Variants in SOX5 observed in about 807,000 individuals in gnomAD.
The protein encoded by SOX5 is transcription factor SOX-5.
In SOX5, 9 loss-of-function variants were observed where a neutral mutation model predicts 92.0. The observed-to-expected ratio is 0.10, with a 90% CI of 0.06 to 0.17. The LOEUF is 0.17. Among genes scored for constraint, SOX5 ranks in the 10% least tolerant of loss-of-function variants. The probability of loss-of-function intolerance (pLI) is 1.00; values close to 1 mark genes in which losing one functional copy is unlikely to be tolerated. For synonymous variants in SOX5, 344 were observed against 336.3 expected (o/e 1.02, Z -0.25); for missense variants, 642 against 944.5 (o/e 0.68, Z 4.20).
At chr12:23,607,168 C>G (rs1441749038) in intron 8 of SOX5, among the ~76,000 whole-genome samples, 1 of 152,170 alleles carries the variant, frequency 6.6e-6, no homozygotes, top group Non-Finnish European at 1.5e-5. Context: ...CATTTTCCAC[C>G]AAGCATATCA....
At chr12:24,295,044 A>G (rs1026271839) in intron 2 of SOX5, among the ~76,000 whole-genome samples, 1 of 152,192 alleles carries the variant, frequency 6.6e-6, no homozygotes, top group Non-Finnish European at 1.5e-5. Context: ...AATATTCACC[A>G]AAAGTTTAGC....
At chr12:23,599,251 A>T (rs1397396635) in intron 9 of SOX5, among the ~76,000 whole-genome samples, 3 of 152,242 alleles carry the variant, frequency 2.0e-5, no homozygotes, top group Non-Finnish European at 4.4e-5. Flanking sequence ...TTGAAGCAAC[A>T]TTATAAGGAT....
chr12:24,119,593 G>T (rs943493947), intron 4 of SOX5, among the ~76,000 whole-genome samples: 5 of 152,012 alleles, frequency 3.3e-5, no homozygotes, highest in African/African-American at 1.2e-4. Context: ...TAGGTAATAA[G>T]ATATTAGAGA....
intron 2 of SOX5, among the ~76,000 whole-genome samples, chr12:23,858,406 G>A (rs2096718706): frequency 6.6e-6 from 1 of 152,018 alleles, no homozygotes; most frequent in Non-Finnish European, 1.5e-5. Flanking sequence ...CTTCTCAAAA[G>A]AAGACGCACA....
At chr12:23,762,394 G>A (rs1340396190) in intron 3 of SOX5, 2 of 374,798 alleles carry the variant, frequency 5.3e-6, no homozygotes, top group Non-Finnish European at 9.5e-6. Context: ...GGGCAATGTA[G>A]CAAGATTCCC....
intron 1 of SOX5, among the ~76,000 whole-genome samples, chr12:24,500,667 C>T (rs1948102180): frequency 6.6e-6 from 1 of 152,168 alleles, no homozygotes; most frequent in Non-Finnish European, 1.5e-5. Context: ...AGAATATTGC[C>T]TTTCAAAACG....
Position 23,532,529 on chromosome 12 carries a change from T to A in SOX5, c.*1690A>T, listed in dbSNP as rs962173757. 1 of 152,254 alleles carries A rather than the reference T, an allele frequency of 6.6e-6. No individual in the cohort carries two copies. The highest frequency in any genetic ancestry group is 1.5e-5 in the Non-Finnish European group (1 of 68,082). 9.4% of individuals were successfully genotyped at this position (152,254 alleles called of 1,614,324 possible). On this transcript the variant is annotated 3_prime_UTR_variant, in exon 15 of 15. Coordinates refer to ENST00000451604, the MANE Select transcript of SOX5 (RefSeq NM_006940.6). ...GCCTTGGCATTTGGCTGGCAAAATC[T>A]ACATAAGCAGTCCCATCACATTCAG...
At chr12:24,488,244 A>G (rs1946715929) in intron 1 of SOX5, among the ~76,000 whole-genome samples, 1 of 152,164 alleles carries the variant, frequency 6.6e-6, no homozygotes, top group African/African-American at 2.4e-5. Context: ...ATTTGTTACC[A>G]TGAGTTGCCA....
intron 7 of SOX5, among the ~76,000 whole-genome samples, chr12:23,659,583 C>A (rs2082750805): frequency 6.6e-6 from 1 of 152,132 alleles, no homozygotes; most frequent in East Asian, 1.9e-4. Flanking sequence ...TAGTTTTATA[C>A]AGCCAAAACA....
intron 3 of SOX5, among the ~76,000 whole-genome samples, chr12:23,759,007 C>A (rs2094487608): frequency 9.4e-6 from 1 of 105,940 alleles, no homozygotes; most frequent in South Asian, 3.4e-4. Flanking sequence ...TATGGCAACA[C>A]AAAACACACA....
intron 1 of SOX5, among the ~76,000 whole-genome samples, chr12:24,517,502 T>C (rs1257071319): frequency 3.3e-5 from 5 of 152,094 alleles, no homozygotes; most frequent in African/African-American, 1.2e-4. Context: ...TATACAATCA[T>C]TGTAAGCAGA....
intron 3 of SOX5, among the ~76,000 whole-genome samples, chr12:24,267,730 C>A (rs763789383): frequency 3.9e-4 from 59 of 152,106 alleles, no homozygotes; most frequent in Middle Eastern, 3.4e-3. Flanking sequence ...ATGTTAAAGG[C>A]TTTTAGTCAA....
intron 4 of SOX5, among the ~76,000 whole-genome samples, chr12:23,755,330 T>C (rs140064829): frequency 3.1e-3 from 476 of 151,912 alleles, no homozygotes; most frequent in African/African-American, 0.011. Flanking sequence ...GGTACATTCT[T>C]ACTTATAAAA....
At chr12:24,271,671 TC>T (rs1943752649) in intron 3 of SOX5, among the ~76,000 whole-genome samples, 1 of 152,198 alleles carries the variant, frequency 6.6e-6, no homozygotes, top group South Asian at 2.1e-4. Flanking sequence ...GAAGTAGAGA[TC>T]CAATCTTATT....
intron 3 of SOX5, among the ~76,000 whole-genome samples, chr12:24,259,573 G>A (rs1421967270): frequency 6.6e-6 from 1 of 152,094 alleles, no homozygotes; most frequent in Admixed American, 6.5e-5. Flanking sequence ...AATGCTAAAT[G>A]GAATATGATC....
chr12:24,116,114 T>A (rs1416832985), intron 4 of SOX5, among the ~76,000 whole-genome samples: 2 of 152,214 alleles, frequency 1.3e-5, no homozygotes, highest in African/African-American at 4.8e-5. Context: ...TGATAAAACG[T>A]TACAACTGAG....
upstream of SOX5, among the ~76,000 whole-genome samples, chr12:23,952,936 T>C (rs758129922): frequency 8.5e-5 from 13 of 152,144 alleles, no homozygotes; most frequent in Non-Finnish European, 1.3e-4. Flanking sequence ...CAGAATAAAC[T>C]GATCCTCCAG....
intron 4 of SOX5, among the ~76,000 whole-genome samples, chr12:24,183,247 A>G (rs1296529454): frequency 6.6e-6 from 1 of 152,158 alleles, no homozygotes; most frequent in African/African-American, 2.4e-5. Flanking sequence ...CCACTATTGG[A>G]ATTATCTTCC....
intron 2 of SOX5, among the ~76,000 whole-genome samples, chr12:23,893,084 T>C (rs1037257048): frequency 6.6e-6 from 1 of 152,196 alleles, no homozygotes; most frequent in Non-Finnish European, 1.5e-5. Flanking sequence ...TTCCGTAGTG[T>C]CTAGCACAAA....
Sources: allele counts gnomAD v4.1 joint callset (sites outside exome capture counted in the v4.1 genomes callset), GRCh38; gene constraint gnomAD v4.1.1; transcripts MANE v1.5; gene names NCBI Gene and HGNC (gene_info 2026-07-23, HGNC 2026-07-21).